Variants in FAM186A observed in about 807,000 individuals in gnomAD.
FAM186A encodes the protein protein FAM186A.
In FAM186A, 163 loss-of-function variants were observed where a neutral mutation model predicts 216.8. The observed-to-expected ratio is 0.75, with a 90% CI of 0.66 to 0.86. FAM186A has a LOEUF of 0.86. Ranked by LOEUF, FAM186A falls within the 40% of genes least tolerant of loss-of-function variation. The probability of loss-of-function intolerance (pLI) is 0.00; values close to 1 mark genes in which losing one functional copy is unlikely to be tolerated. For synonymous variants in FAM186A, 805 were observed against 1,025.3 expected, an observed-to-expected ratio of 0.79 and a Z score of 4.10; for missense variants, 2,184 against 2,746.2, an observed-to-expected ratio of 0.80 and a Z score of 4.58.
At chr12:50,365,003 A>C (rs551723961) in intron 1 of FAM186A, among the ~76,000 whole-genome samples, 1 of 137,242 alleles carries the variant, frequency 7.3e-6, no homozygotes, top group African/African-American at 2.7e-5. Flanking sequence ...GCACCATTGC[A>C]CTCCAGCCTG....
At chr12:50,334,783 T>C (rs968930807) in intron 4 of FAM186A, among the ~76,000 whole-genome samples, 5 of 152,034 alleles carry the variant, frequency 3.3e-5, no homozygotes, top group Admixed American at 6.6e-5. Flanking sequence ...CAACCTGTCC[T>C]CAGTTTCTTT....
intron 1 of FAM186A, among the ~76,000 whole-genome samples, chr12:50,371,330 G>A (rs1221429223): frequency 6.6e-6 from 1 of 152,060 alleles, no homozygotes; most frequent in East Asian, 1.9e-4. Flanking sequence ...TCTTGGCCAG[G>A]CTGGTCTTGA....
Position 50,353,671 on chromosome 12 carries a change from A to C in FAM186A, c.3161T>G (p.Leu1054Arg). The C allele has an allele frequency of 6.5e-7, 1 of 1,538,248 alleles. No individual in the cohort carries two copies. The change falls in exon 4 of 8, where the codon CTA becomes CGA. Residue 1054 changes from leucine to arginine, a missense_variant. Leu to Arg is a moderately radical substitution (Grantham distance 102). Coordinates refer to ENST00000327337, the MANE Select transcript of FAM186A (RefSeq NM_001145475.3). Reference sequence around the variant, plus strand: ...AAGAGCTCCAGGCAGGGAGTATTGTAGGGAGGGGGGAGGTGTGATTGATAT... The same window carrying C: ...AAGAGCTCCAGGCAGGGAGTATTGTCGGGAGGGGGGAGGTGTGATTGATAT... ...EPISITPPPS[L>R]QYSLPGALPI...
intron 1 of FAM186A, among the ~76,000 whole-genome samples, chr12:50,380,557 A>C (rs1202501109): frequency 1.1e-4 from 16 of 148,028 alleles, no homozygotes; most frequent in African/African-American, 3.7e-4. Flanking sequence ...TTAGCTGGGC[A>C]TGCTGGTGCA....
rs1336101307 is a variant in FAM186A, at chr12:50,355,340, C to T, written c.1492G>A (p.Val498Ile). 2 of 1,550,736 alleles carry T rather than the reference C, an allele frequency of 1.3e-6. No individual in the cohort carries two copies. Among genetic ancestry groups the T allele is most frequent in the African/African-American group, 1.4e-5 (1 of 73,002 alleles). Residue 498 changes from valine to isoleucine, a missense_variant, in exon 4 of 8, where the codon GTA becomes ATA. Transcript: ENST00000327337. ...ATTTCTTTTCTTTTCTTTTTCAGTA[C>T]TTGTAGCTCATAGTATTGACTAGGT... The part of the protein sequence containing the change: ...AKPSQYYELQ[V>I]LKKKRKEMKS...
intron 4 of FAM186A, among the ~76,000 whole-genome samples, chr12:50,346,237 A>AAAGAAAGAAAGAAAGAAAGAGAGAAAG (rs1383898895): frequency 9.8e-6 from 1 of 102,184 alleles, no homozygotes; most frequent in Non-Finnish European, 2.0e-5. Flanking sequence ...AAGAAAGAAA[A>AAAGAAAGAAAGAAAGAAAGAGAGAAAG]AAAGAAAGAA....
At chr12:50,341,550 A>C (rs1942762375) in intron 4 of FAM186A, among the ~76,000 whole-genome samples, 2 of 152,192 alleles carry the variant, frequency 1.3e-5, no homozygotes, top group African/African-American at 2.4e-5. Context: ...AAAAATTGAG[A>C]AAGCGACCTG....
intron 1 of FAM186A, chr12:50,366,120 C>T: frequency 1.6e-6 from 1 of 608,082 alleles, no homozygotes; most frequent in South Asian, 2.0e-5. Flanking sequence ...TTGATTAATA[C>T]TTGAAACAAA....
chr12:50,353,442 G>C lies in FAM186A; in HGVS notation c.3390C>G (p.Ala1130=), dbSNP rs745812686. Residue 1130 remains alanine (A), a synonymous_variant, in exon 4 of 8, where the codon GCC becomes GCG. Coordinates refer to ENST00000327337, the MANE Select transcript of FAM186A (RefSeq NM_001145475.3). ...GCTGAGGGGTGAGAGGGATCCCCAGGGCCTGCGCCTGCTGAGGGGTGAAAA... is the reference window on the plus strand; with the variant it reads ...GCTGAGGGGTGAGAGGGATCCCCAGCGCCTGCGCCTGCTGAGGGGTGAAAA... ...EILFTPQQAQ[A]LGIPLTPQQT... 81 of 1,492,980 alleles carry C rather than the reference G, an allele frequency of 5.4e-5. 1 individual carries two copies. Among genetic ancestry groups the C allele is most frequent in the Middle Eastern group, 1.8e-4 (1 of 5,664 alleles). The allele number at this position is 1,492,980 out of a possible 1,614,324, so 92.5% of individuals were successfully genotyped here. A position where few individuals can be genotyped will look rare whatever the true frequency, so the allele number is the denominator to read the frequency against.
rs1257233106 is a variant in FAM186A, at chr12:50,346,994, T to A, written c.6503+3335A>T. ...GCTTGGGTGACAGAGTAAGACTCTGTCTCAAAAAAAAAAAAAAAAAAATAG... is the reference window on the plus strand; with the variant it reads ...GCTTGGGTGACAGAGTAAGACTCTGACTCAAAAAAAAAAAAAAAAAAATAG... On this transcript the variant is annotated intron_variant, in intron 4 of 7. Coordinates refer to ENST00000327337, the MANE Select transcript of FAM186A (RefSeq NM_001145475.3). 6.6e-5 allele frequency among the ~76,000 whole-genome samples: 3 copies of A among 45,328 alleles called. No homozygotes were observed. In the South Asian group the frequency reaches 3.2e-3, roughly 48 times the overall value. 29.7% of individuals were successfully genotyped at this position (45,328 alleles called of 152,430 possible). A position where few individuals can be genotyped will look rare whatever the true frequency, so the allele number is the denominator to read the frequency against.
chr12:50,387,031 C>T (rs751394612), intron 1 of FAM186A, among the ~76,000 whole-genome samples: 6 of 151,898 alleles, frequency 4.0e-5, no homozygotes, highest in East Asian at 3.9e-4. Flanking sequence ...AATGTGGGGT[C>T]GGAGGAGCAG....
intron 1 of FAM186A, among the ~76,000 whole-genome samples, chr12:50,388,940 C>T (rs1240263170): frequency 2.6e-5 from 4 of 151,912 alleles, no homozygotes; most frequent in African/African-American, 9.7e-5. Context: ...GTCCCAGCTA[C>T]TCGGAAGTCC....
chr12:50,358,581 AAAAACAAAAC>A (rs961560540), intron 3 of FAM186A, among the ~76,000 whole-genome samples: 5 of 151,898 alleles, frequency 3.3e-5, no homozygotes, highest in African/African-American at 1.2e-4. Context: ...AAATCCTGTC[AAAAACAAAAC>A]AAAACAAAAC....
chr12:50,339,913 C>G (rs1942746170), intron 4 of FAM186A, among the ~76,000 whole-genome samples: 1 of 152,164 alleles, frequency 6.6e-6, no homozygotes, highest in Non-Finnish European at 1.5e-5. Flanking sequence ...TCTCGGTTCA[C>G]TGCAACCACC....
chr12:50,393,528 C>G (rs1237238290), intron 1 of FAM186A, among the ~76,000 whole-genome samples: 1 of 148,900 alleles, frequency 6.7e-6, no homozygotes, highest in South Asian at 2.1e-4. Flanking sequence ...GGTGTCAGAG[C>G]GAGACTCCAT....
intron 1 of FAM186A, among the ~76,000 whole-genome samples, chr12:50,365,172 C>G (rs1943076422): frequency 6.6e-6 from 1 of 151,788 alleles, no homozygotes; most frequent in African/African-American, 2.4e-5. Context: ...AAAATTTCAC[C>G]ATTCTGGAAC....
At chr12:50,367,410 C>T (rs1332046571) in intron 1 of FAM186A, among the ~76,000 whole-genome samples, 3 of 150,244 alleles carry the variant, frequency 2.0e-5, no homozygotes, top group Non-Finnish European at 1.5e-5. Flanking sequence ...CCCAGCTACT[C>T]GGGAGGCTGA....
Position 50,330,624 on chromosome 12 carries a change from T to G in FAM186A, c.6983A>C (p.Gln2328Pro). The G allele has an allele frequency of 6.4e-7, 1 of 1,550,828 alleles. No homozygotes were observed. The highest frequency in any genetic ancestry group is 8.7e-7 in the Non-Finnish European group (1 of 1,146,628). Reference protein sequence around the residue: ...GGYPDIPRLLQLEVQSTFRKS... With the variant: ...GGYPDIPRLLPLEVQSTFRKS... ...TCGGAAGGTAGACTGCACTTCTAACTGAAGCAGCCTGGGAATATCTGGGTA... is the reference window on the plus strand; with the variant it reads ...TCGGAAGGTAGACTGCACTTCTAACGGAAGCAGCCTGGGAATATCTGGGTA... Residue 2328 changes from glutamine to proline, a missense_variant, in exon 7 of 8, where the codon CAG becomes CCG. Gln to Pro is a moderately conservative substitution (Grantham distance 76). This residue lies in a region of FAM186A where 721 missense variants were observed against 816.4 expected (regional missense o/e 0.88). Coordinates refer to ENST00000327337, the MANE Select transcript of FAM186A (RefSeq NM_001145475.3).
In FAM186A at chr12:50,351,134, G is replaced by T; in HGVS notation, c.5698C>A (p.Leu1900Met). 2 of 1,551,638 alleles carry T rather than the reference G, an allele frequency of 1.3e-6. No homozygotes were observed. The highest frequency in any genetic ancestry group is 1.7e-6 in the Non-Finnish European group (2 of 1,146,988). Residue 1900 changes from leucine (L) to methionine (M), a missense_variant, in exon 4 of 8, where the codon CTG (leucine) becomes ATG (methionine). Coordinates refer to ENST00000327337, the MANE Select transcript of FAM186A (RefSeq NM_001145475.3). ...TGCCCAGGGGTAGAAGGAGCCTGCA[G>T]ATAGGGAGATTGCTCAGCAGTGGCA... ...PPATAEQSPY[L>M]QAPSTPGQHL... is the part of the protein sequence containing the mutation.
Sources: gnomAD v4.1 joint callset for allele counts (sites outside exome capture counted in the v4.1 genomes callset) on GRCh38, gnomAD v4.1.1 for gene constraint, gnomAD v4.1.1 regional missense constraint, MANE v1.5 for transcripts, NCBI Gene and HGNC (gene_info 2026-07-23, HGNC 2026-07-21) for gene names.